Variants in PFKFB3 observed in about 807,000 individuals in gnomAD.
PFKFB3 encodes 6-phosphofructo-2-kinase/fructose-2,6-bisphosphatase 3.
In PFKFB3, 33 loss-of-function variants were observed where a neutral mutation model predicts 68.0. The ratio of observed to expected loss-of-function variants is 0.49; its 90% CI spans 0.37 to 0.65. The LOEUF (loss-of-function observed/expected upper bound fraction) is 0.65. PFKFB3 is among the 30% of genes least tolerant of loss of function. The pLI is 0.00. For missense variants in PFKFB3, 586 were observed against 712.2 expected, an observed-to-expected ratio of 0.82 and a Z score of 2.02; for synonymous variants, 315 against 288.2, an observed-to-expected ratio of 1.09 and a Z score of -0.94.
chr10:6,274,773 T>C, the PFKFB3 span, among the ~76,000 whole-genome samples: 1 of 151,994 alleles, frequency 6.6e-6, no homozygotes, highest in Non-Finnish European at 1.5e-5. Context: ...GTGGTCGAGG[T>C]TGCAGTGAGC....
Position 6,229,007 on chromosome 10 carries a change from T to A in PFKFB3, c.1515+2642T>A. The A allele has an allele frequency of 2.2e-6, 1 of 455,514 alleles. No homozygotes were observed. The highest frequency in any genetic ancestry group is 4.6e-6 in the Non-Finnish European group (1 of 216,982). The allele number at this position is 455,514 out of a possible 1,614,324, so 28.2% of individuals were successfully genotyped here. On this transcript the variant is annotated intron_variant, in intron 14 of 14. Coordinates refer to ENST00000379775, the MANE Select transcript of PFKFB3 (RefSeq NM_004566.4). This position sits in a 1 kb window ranked among gnomAD's most constrained non-coding sequence, Gnocchi z 4.3. ...CAGAGGCCTTCCTGCCACAGAACTT[T>A]AATGACAGCCACATGAAGTGTCATC...
At chr10:6,294,254 A>T in the PFKFB3 span, 2 of 529,730 alleles carry the variant, frequency 3.8e-6, no homozygotes, top group African/African-American at 3.9e-5. Context: ...CAGGGTTTGC[A>T]GCAAAAGCAG....
chr10:6,216,765 A>G lies in PFKFB3; in HGVS notation c.426A>G (p.Lys142=). 1.2e-6 allele frequency: 2 copies of G among 1,613,058 alleles called. No individual in the cohort carries two copies. The highest frequency in any genetic ancestry group is 1.7e-6 in the Non-Finnish European group (2 of 1,178,994). ...GACACATGATCCTTCATTTTGCCAA[A>G]GAAAATGACTTTAAGGTGAGCTGAG... ...ERRHMILHFA[K]ENDFKAFFIE... Residue 142 remains lysine, a synonymous_variant, in exon 5 of 15, where the codon AAA becomes AAG. Coordinates refer to ENST00000379775, the MANE Select transcript of PFKFB3 (RefSeq NM_004566.4).
rs143587149 is a variant in PFKFB3 at position 6,231,453 on chromosome 10, T to C, written c.1516-1442T>C. The C allele has an allele frequency of 9.2e-4, 1,368 of 1,481,916 alleles. 6 individuals are homozygous for C. In the Middle Eastern group the frequency reaches 0.017, roughly 19 times the overall value. The allele number at this position is 1,481,916 out of a possible 1,614,324, so 91.8% of individuals were successfully genotyped here. A position where few individuals can be genotyped will look rare whatever the true frequency, so the allele number is the denominator to read the frequency against. On this transcript the variant is annotated intron_variant, in intron 14 of 14. Transcript: ENST00000379775. ...TAAGTGCAACACCATTGTCGTGAGGTCCTTTCTAGTCTGTCTCTCACCCCC... is the reference window on the plus strand; with the variant it reads ...TAAGTGCAACACCATTGTCGTGAGGCCCTTTCTAGTCTGTCTCTCACCCCC...
intron 1 of PFKFB3, among the ~76,000 whole-genome samples, chr10:6,207,089 C>A (rs887117830): frequency 1.9e-4 from 29 of 152,148 alleles, no homozygotes; most frequent in African/African-American, 5.8e-4. Flanking sequence ...AGGCAGGCGG[C>A]TGGGAGGTGG....
chr10:6,311,498 C>T, the PFKFB3 span, among the ~76,000 whole-genome samples: 1 of 152,034 alleles, frequency 6.6e-6, no homozygotes, highest in Non-Finnish European at 1.5e-5. Flanking sequence ...TCTCTGGGCC[C>T]AGCACTCTGG....
At chr10:6,272,736 G>A in the PFKFB3 span, among the ~76,000 whole-genome samples, 3 of 152,024 alleles carry the variant, frequency 2.0e-5, no homozygotes, top group Non-Finnish European at 2.9e-5. Context: ...GGCCCCAGCC[G>A]CGCTGTGCTT....
At chr10:6,152,602 T>G (rs1841628766) in intron 1 of PFKFB3, among the ~76,000 whole-genome samples, 1 of 152,136 alleles carries the variant, frequency 6.6e-6, no homozygotes, top group South Asian at 2.1e-4. Context: ...GTATGCCAGG[T>G]GCAGTGGCAC....
intron 1 of PFKFB3, among the ~76,000 whole-genome samples, chr10:6,181,796 TAAAAAAAA>T (rs60557537): frequency 1.1e-4 from 13 of 114,168 alleles, no homozygotes; most frequent in African/African-American, 4.0e-4. Flanking sequence ...AGACTCCGTT[TAAAAAAAA>T]AAAAAAAAAA....
At position 6,219,088 on chromosome 10, in the gene PFKFB3, G is replaced by A. The variant is rs545069665; in HGVS notation, c.499-481G>A. On this transcript the variant is annotated intron_variant, in intron 6 of 14. Coordinates refer to ENST00000379775, the MANE Select transcript of PFKFB3 (RefSeq NM_004566.4). ...TGGAGAAGCAGTTAACCACGGACTG[G>A]TCACACTGGGGCTGCCTCAGGCAGT... 2.0e-5 allele frequency among the ~76,000 whole-genome samples: 3 copies of A among 152,366 alleles called. No homozygotes were observed. The East Asian group carries it at 5.8e-4, about 29-fold the overall frequency.
chr10:6,222,828 C>A (rs367970367), intron 10 of PFKFB3, 27 bp from the exon 11 acceptor site: 1 of 1,601,472 alleles, frequency 6.2e-7, no homozygotes, highest in Non-Finnish European at 8.5e-7. Flanking sequence ...GCCCTGAGCT[C>A]ACGTGGGCCC....
the PFKFB3 span, among the ~76,000 whole-genome samples, chr10:6,304,595 A>G: frequency 6.6e-6 from 1 of 151,406 alleles, no homozygotes; most frequent in Non-Finnish European, 1.5e-5. Context: ...TCCTGATCTC[A>G]AGTGATCTGC....
intron 1 of PFKFB3, among the ~76,000 whole-genome samples, chr10:6,172,536 G>T (rs933695476): frequency 1.4e-4 from 22 of 152,284 alleles, no homozygotes; most frequent in African/African-American, 4.8e-4. Flanking sequence ...TGAGGAAACC[G>T]GGGTGCTGAA....
At chr10:6,205,388 C>CTTTTTTTTTTTT (rs3084014) in intron 1 of PFKFB3, among the ~76,000 whole-genome samples, 3 of 106,542 alleles carry the variant, frequency 2.8e-5, no homozygotes, top group Admixed American at 1.2e-4. Flanking sequence ...TTCTTTCTTC[C>CTTTTTTTTTTTT]TTTTTTTTTT....
the PFKFB3 span, among the ~76,000 whole-genome samples, chr10:6,290,499 AT>A: frequency 0.021 from 2,798 of 135,848 alleles, 72 homozygotes; most frequent in African/African-American, 0.07. Flanking sequence ...TTTGTCTTTG[AT>A]TTTTTTTTTT....
At position 6,206,743 on chromosome 10, in the gene PFKFB3, G is replaced by A. The variant is rs141331449; in HGVS notation, c.76+3407G>A. 7.8e-3 allele frequency among the ~76,000 whole-genome samples: 1,106 copies of A among 142,396 alleles called. 17 individuals carry two copies. Among genetic ancestry groups the A allele is most frequent in the Non-Finnish European group, 0.011 (743 of 65,690 alleles). The allele number at this position is 142,396 out of a possible 152,430, so 93.4% of individuals were successfully genotyped here. A position where few individuals can be genotyped will look rare whatever the true frequency, so the allele number is the denominator to read the frequency against. On this transcript the variant is annotated intron_variant, in intron 1 of 14. Transcript: ENST00000379775. Reference sequence around the variant, plus strand: ...TAGATGGGATGGCGGCCAGGAAGAGGCGCTCCTCACTTTCCAGACTGGGCA... The same window carrying A: ...TAGATGGGATGGCGGCCAGGAAGAGACGCTCCTCACTTTCCAGACTGGGCA...
chr10:6,157,860 GTA>G (rs1477245437), intron 1 of PFKFB3, among the ~76,000 whole-genome samples: 1 of 152,090 alleles, frequency 6.6e-6, no homozygotes, highest in African/African-American at 2.4e-5. Context: ...TGGCCTGACA[GTA>G]AATCCCAATC....
the PFKFB3 span, among the ~76,000 whole-genome samples, chr10:6,316,820 G>A: frequency 6.6e-6 from 1 of 152,108 alleles, no homozygotes; most frequent in Admixed American, 6.5e-5. Context: ...CTGCATATGA[G>A]GTACAGTCTA....
chr10:6,272,103 T>C, the PFKFB3 span, among the ~76,000 whole-genome samples: 1 of 152,256 alleles, frequency 6.6e-6, no homozygotes, highest in African/African-American at 2.4e-5. Flanking sequence ...ACATACGTGC[T>C]TACTTGCCAT....
Sources: allele counts gnomAD v4.1 joint callset (sites outside exome capture counted in the v4.1 genomes callset), GRCh38; gene constraint gnomAD v4.1.1; non-coding constraint Gnocchi (gnomAD v3.1); transcripts MANE v1.5; gene names NCBI Gene and HGNC (gene_info 2026-07-23, HGNC 2026-07-21).